The following RBPMS2 variants were observed in gnomAD, a reference collection of about 807,000 sequenced individuals.
The protein encoded by RBPMS2 is RNA-binding protein with multiple splicing 2.
RBPMS2 carries 14 observed loss-of-function variants against 25.7 expected under a neutral mutation model. The ratio of observed to expected loss-of-function variants is 0.55; its 90% CI spans 0.36 to 0.85. The LOEUF (loss-of-function observed/expected upper bound fraction) is 0.85, where lower values mean the gene tolerates loss of function less well. Ranked by LOEUF, RBPMS2 falls within the 40% of genes least tolerant of loss-of-function variation. The probability of loss-of-function intolerance (pLI) is 0.01; values close to 1 mark genes in which losing one functional copy is unlikely to be tolerated. For missense variants in RBPMS2, 252 were observed against 283.4 expected (o/e 0.89, Z 0.80); for synonymous variants, 127 against 115.6 (o/e 1.10, Z -0.63).
At chr15:64,772,361 C>T (rs1431981031) in intron 1 of RBPMS2, among the ~76,000 whole-genome samples, 1 of 152,188 alleles carries the variant, frequency 6.6e-6, no homozygotes, top group Non-Finnish European at 1.5e-5. Flanking sequence ...TCAAGACTTA[C>T]CTGCAGGACA....
intron 1 of RBPMS2, among the ~76,000 whole-genome samples, chr15:64,771,225 T>C (rs907536598): frequency 6.6e-6 from 1 of 152,242 alleles, no homozygotes; most frequent in East Asian, 1.9e-4. Context: ...CCTTTATATA[T>C]GCCAATCATA....
At chr15:64,749,235 A>G in intron 4 of RBPMS2, 85 bp from the exon 5 acceptor site, 5 of 1,532,778 alleles carry the variant, frequency 3.3e-6, no homozygotes, top group Non-Finnish European at 4.5e-6. Context: ...GGCGCCATAA[A>G]CAAGCTCGCC....
intron 1 of RBPMS2, among the ~76,000 whole-genome samples, chr15:64,757,852 T>C (rs1169219689): frequency 6.6e-6 from 1 of 152,044 alleles, no homozygotes; most frequent in Admixed American, 6.5e-5. Context: ...GGAAGGCACC[T>C]GAAGTCTGAG....
At chr15:64,762,395 C>T in intron 1 of RBPMS2, 1 of 534,690 alleles carries the variant, frequency 1.9e-6, no homozygotes, top group Non-Finnish European at 3.8e-6. Flanking sequence ...CCTACCAGCC[C>T]AGACCACAGA....
Position 64,743,910 on chromosome 15 carries a change from G to C in RBPMS2, c.568-2668C>G, listed in dbSNP as rs2083588574. 2.0e-5 allele frequency among the ~76,000 whole-genome samples: 3 copies of C among 152,078 alleles called. No homozygotes were observed. In the South Asian group the frequency reaches 6.2e-4, roughly 32 times the overall value. On this transcript the variant is annotated intron_variant, in intron 6 of 7. Coordinates refer to ENST00000300069, the MANE Select transcript of RBPMS2 (RefSeq NM_194272.3). The stretch of plus-strand genomic sequence containing the variant: ...TCTTGAGCCCAGAAGTTTGAGACCA[G>C]CATGGCCACCATTACGAAACCCCGT...
intron 1 of RBPMS2, among the ~76,000 whole-genome samples, chr15:64,770,834 T>C (rs2083887910): frequency 6.8e-6 from 1 of 146,402 alleles, no homozygotes; most frequent in African/African-American, 2.5e-5. Context: ...TTCACCCACA[T>C]CTCAGGGAGG....
At chr15:64,747,934 G>T (rs954575186) in intron 6 of RBPMS2, among the ~76,000 whole-genome samples, 1 of 152,086 alleles carries the variant, frequency 6.6e-6, no homozygotes. Context: ...TAGTCACTTC[G>T]TCTTGACATC....
rs769320229 is a variant in RBPMS2, at chr15:64,775,371, G to A, written c.-52C>T. 6.7e-3 allele frequency: 7,549 copies of A among 1,121,320 alleles called. 36 individuals are homozygous for A. The highest frequency in any genetic ancestry group is 7.8e-3 in the Non-Finnish European group (6,955 of 888,468). 69.5% of individuals were successfully genotyped at this position (1,121,320 alleles called of 1,614,324 possible). On this transcript the variant is annotated 5_prime_UTR_variant, in exon 1 of 8. Transcript: ENST00000300069. ...GAACGCGAGGGCGAGCGCGGCGCCG[G>A]CCCCGCGGGAAGTGGGAAGGGGCGC...
intron 1 of RBPMS2, among the ~76,000 whole-genome samples, chr15:64,767,515 G>C (rs754921416): frequency 6.6e-6 from 1 of 152,140 alleles, no homozygotes; most frequent in Non-Finnish European, 1.5e-5. Flanking sequence ...CCTCCAGCTC[G>C]CAGGATTGTC....
chr15:64,765,814 T>C (rs145695427), intron 1 of RBPMS2, among the ~76,000 whole-genome samples: 414 of 152,090 alleles, frequency 2.7e-3, no homozygotes, highest in Non-Finnish European at 2.8e-3. Flanking sequence ...ATCGCTTCTC[T>C]GCCTTTTGGC....
At chr15:64,772,677 C>G (rs2083900702) in intron 1 of RBPMS2, among the ~76,000 whole-genome samples, 1 of 152,174 alleles carries the variant, frequency 6.6e-6, no homozygotes, top group Non-Finnish European at 1.5e-5. Context: ...TCCACCCCCA[C>G]AGGTCTAACC....
intron 1 of RBPMS2, among the ~76,000 whole-genome samples, chr15:64,768,641 G>GA (rs879810121): frequency 5.0e-4 from 69 of 138,516 alleles, no homozygotes; most frequent in East Asian, 1.3e-3. Context: ...CTGTCTCGAG[G>GA]AAAAAAAAAA....
At chr15:64,764,929 A>T in intron 1 of RBPMS2, among the ~76,000 whole-genome samples, 1 of 139,788 alleles carries the variant, frequency 7.2e-6, no homozygotes. Flanking sequence ...TCAAAAAAAA[A>T]AAAAAAAGAA....
intron 1 of RBPMS2, among the ~76,000 whole-genome samples, chr15:64,773,059 A>C (rs769920554): frequency 1.3e-5 from 2 of 152,194 alleles, no homozygotes; most frequent in Admixed American, 6.5e-5. Flanking sequence ...TACGGCGTGC[A>C]GCAGCATTCC....
intron 1 of RBPMS2, among the ~76,000 whole-genome samples, chr15:64,756,816 T>C (rs2083734881): frequency 6.0e-5 from 9 of 149,832 alleles, no homozygotes; most frequent in Admixed American, 4.6e-4. Context: ...CTTTTTTTTT[T>C]TTTTGGAGAG....
chr15:64,770,079 T>A (rs28711906), intron 1 of RBPMS2, among the ~76,000 whole-genome samples: 21,050 of 152,002 alleles, frequency 0.14, 2,911 homozygotes, highest in African/African-American at 0.35. Flanking sequence ...CTTGGGAGGC[T>A]GAGGCAGGAT....
rs562679729 is a variant in RBPMS2 at position 64,756,662 on chromosome 15, T to TA, written c.88-5025dup. ...ATTTTTCATTTCTTTTTTTTTTTTT[T>TA]ATGGAGTCTCGCTCTGTTGCCCAGG... On this transcript the variant is annotated intron_variant, in intron 1 of 7. Coordinates refer to ENST00000300069, the MANE Select transcript of RBPMS2 (RefSeq NM_194272.3). Among the ~76,000 whole-genome samples the TA allele has an allele frequency of 1.8e-3, 267 of 150,972 alleles. 1 individual carries two copies. Among genetic ancestry groups the TA allele is most frequent in the African/African-American group, 6.2e-3 (255 of 41,242 alleles).
At chr15:64,745,074 A>G (rs1048661392) in intron 6 of RBPMS2, among the ~76,000 whole-genome samples, 3 of 152,034 alleles carry the variant, frequency 2.0e-5, no homozygotes, top group Non-Finnish European at 2.9e-5. Context: ...TCGGCCTCCC[A>G]AAGTACTGGG....
intron 7 of RBPMS2, 80 bp downstream of exon 7, chr15:64,741,093 G>C: frequency 1.8e-6 from 2 of 1,121,174 alleles, no homozygotes; most frequent in Non-Finnish European, 2.6e-6. Context: ...CTTGAGACCC[G>C]GGGCAGAGGG....
Sources: allele counts gnomAD v4.1 joint callset (sites outside exome capture counted in the v4.1 genomes callset), GRCh38; gene constraint gnomAD v4.1.1; transcripts MANE v1.5; gene names NCBI Gene and HGNC (gene_info 2026-07-23, HGNC 2026-07-21).